The following CPVL variants were observed in gnomAD, a reference collection of about 807,000 sequenced individuals.
CPVL encodes carboxypeptidase vitellogenic like, also known as probable serine carboxypeptidase CPVL.
Under a neutral mutation model 63.7 loss-of-function variants are expected in CPVL, and 51 were observed. The observed-to-expected ratio is 0.80, with a 90% confidence interval of 0.64 to 1.01. The LOEUF (loss-of-function observed/expected upper bound fraction) is 1.01, where lower values mean the gene tolerates loss of function less well. Ranked by LOEUF, CPVL falls within the 50% of genes least tolerant of loss-of-function variation. The pLI is 0.00. For synonymous variants in CPVL, 195 were observed against 206.0 expected (o/e 0.95, Z 0.46); for missense variants, 530 against 573.1 (o/e 0.92, Z 0.77).
At chr7:29,182,045 T>G (rs2190646) in intron 4 of CPVL, among the ~76,000 whole-genome samples, 1 of 152,134 alleles carries the variant, frequency 6.6e-6, no homozygotes, top group African/African-American at 2.4e-5. Flanking sequence ...TTATAACTAT[T>G]TCTTTCAGTG....
chr7:29,055,779 TG>T (rs1237370617), intron 11 of CPVL, among the ~76,000 whole-genome samples: 1 of 152,240 alleles, frequency 6.6e-6, no homozygotes, highest in African/African-American at 2.4e-5. Flanking sequence ...TTCCCTTCTC[TG>T]CCTTTTGTTT....
intron 3 of CPVL, among the ~76,000 whole-genome samples, chr7:29,184,993 A>G (rs538129513): frequency 3.0e-4 from 46 of 152,290 alleles, no homozygotes; most frequent in Non-Finnish European, 4.7e-4. Flanking sequence ...AGATGTCTCT[A>G]AGTGCATTTG....
chr7:29,092,972 C>G (rs1320121012), intron 5 of CPVL, among the ~76,000 whole-genome samples: 1 of 152,150 alleles, frequency 6.6e-6, no homozygotes, highest in Admixed American at 6.5e-5. Context: ...TCAGTGGAGA[C>G]CCTGCCAGAT....
intron 7 of CPVL, 124 bp from the exon 8 acceptor site, chr7:29,072,547 T>C (rs184606605): frequency 5.6e-6 from 6 of 1,070,612 alleles, no homozygotes; most frequent in African/African-American, 4.8e-5. Flanking sequence ...CATCTGTTTC[T>C]TAACCCCACA....
Position 29,169,382 on chromosome 7 carries a change from A to T in CPVL, c.-11+11908T>A, listed in dbSNP as rs182315912. ...TTTAGAGTTTAACAATTCCATTTTC[A>T]TACCCCTCTAAACACACCATTTTAA... is the stretch of plus-strand genomic sequence containing the variant. On this transcript the variant is annotated intron_variant, in intron 5 of 16. Coordinates refer to the CPVL transcript ENST00000409850. 2.6e-5 allele frequency among the ~76,000 whole-genome samples: 4 copies of T among 152,286 alleles called. No individual in the cohort carries two copies. The East Asian group carries it at 7.7e-4, about 29-fold the overall frequency.
chr7:29,069,755 T>C (rs1783533794), intron 9 of CPVL, among the ~76,000 whole-genome samples: 1 of 150,506 alleles, frequency 6.6e-6, no homozygotes, highest in Non-Finnish European at 1.5e-5. Flanking sequence ...CGGCATCCTC[T>C]CCACTCACCA....
chr7:29,146,378 G>C, intron 1 of CPVL, 51 bp downstream of exon 1: 1 of 682,346 alleles, frequency 1.5e-6, no homozygotes, highest in Non-Finnish European at 2.3e-6. Context: ...ACCGAGGCGA[G>C]GACCTGTCCC....
intron 12 of CPVL, among the ~76,000 whole-genome samples, chr7:29,017,005 A>C (rs1181701559): frequency 6.6e-6 from 1 of 152,204 alleles, no homozygotes; most frequent in Non-Finnish European, 1.5e-5. Context: ...CCCAAAGAAC[A>C]GCTTTTAAAA....
At chr7:29,048,368 G>A (rs1789819919) in intron 11 of CPVL, among the ~76,000 whole-genome samples, 1 of 152,134 alleles carries the variant, frequency 6.6e-6, no homozygotes, top group Non-Finnish European at 1.5e-5. Flanking sequence ...GTGGAAAAAG[G>A]CATTTCATGC....
intron 5 of CPVL, among the ~76,000 whole-genome samples, chr7:29,157,721 C>T (rs959908575): frequency 2.6e-5 from 4 of 152,150 alleles, no homozygotes; most frequent in African/African-American, 9.7e-5. Flanking sequence ...TGAACAAGAT[C>T]TGGTGATAGA....
At chr7:29,166,399 T>A (rs965932043) in intron 5 of CPVL, among the ~76,000 whole-genome samples, 11 of 152,300 alleles carry the variant, frequency 7.2e-5, no homozygotes, top group African/African-American at 2.4e-4. Context: ...TCTTTCTGAT[T>A]TAAGTGTCTG....
chr7:29,020,251 C>G (rs1383972133), intron 12 of CPVL, among the ~76,000 whole-genome samples: 1 of 152,106 alleles, frequency 6.6e-6, no homozygotes, highest in Non-Finnish European at 1.5e-5. Context: ...TTGAGGAGAT[C>G]GTGTGTGTGC....
Position 29,095,057 on chromosome 7 carries a change from C to G in CPVL, c.462+27G>C, listed in dbSNP as rs764931989. 3.8e-6 allele frequency: 6 copies of G among 1,587,462 alleles called. No individual in the cohort carries two copies. The East Asian group carries it at 1.3e-4, about 35-fold the overall frequency. On this transcript the variant is annotated intron_variant, in intron 5 of 12. Transcript: ENST00000265394. ...AAAAGACAGGAGACGCCAGCACTGA[C>G]AGCTCACAGGGTCATCCCGGACTTA...
At chr7:29,034,975 T>C (rs1788384628) in intron 11 of CPVL, among the ~76,000 whole-genome samples, 1 of 152,132 alleles carries the variant, frequency 6.6e-6, no homozygotes, top group East Asian at 1.9e-4. Context: ...TCTCATTTTT[T>C]TTTTCATGAC....
intron 1 of CPVL, among the ~76,000 whole-genome samples, chr7:29,145,273 G>GAA (rs35929858): frequency 5.9e-5 from 9 of 151,302 alleles, no homozygotes; most frequent in East Asian, 3.9e-4. Flanking sequence ...GCAAAGAATG[G>GAA]AAAAAAAATG....
intron 12 of CPVL, among the ~76,000 whole-genome samples, chr7:29,015,128 G>A (rs547157059): frequency 1.3e-5 from 2 of 152,204 alleles, no homozygotes; most frequent in South Asian, 2.1e-4. Context: ...AGCTGTGGTC[G>A]TTACTGCTTT....
intron 3 of CPVL, among the ~76,000 whole-genome samples, chr7:29,109,481 C>T (rs956250260): frequency 2.6e-5 from 4 of 152,140 alleles, no homozygotes; most frequent in African/African-American, 9.7e-5. Flanking sequence ...CCAAATGTGT[C>T]TCAGTGACCA....
At chr7:29,007,063 T>C (rs1390205657) in intron 12 of CPVL, among the ~76,000 whole-genome samples, 1 of 152,222 alleles carries the variant, frequency 6.6e-6, no homozygotes, top group African/African-American at 2.4e-5. Flanking sequence ...GATAATACTC[T>C]AAAATACAGA....
rs1039165891 is a variant in CPVL at position 29,064,125 on chromosome 7, T to A, written c.1073A>T (p.Tyr358Phe). The A allele has an allele frequency of 6.2e-7, 1 of 1,613,336 alleles. No individual in the cohort carries two copies. The highest frequency in any genetic ancestry group is 2.2e-5 in the East Asian group (1 of 44,882). ...TFNDGTIVEK[Y>F]LREDTVQSVK... ...TGACTGTACTGTATCTTCTCGCAAG[T>A]ACTTTTCAACTATAGTTCCATCATT... Residue 358 changes from tyrosine to phenylalanine, a missense_variant, in exon 11 of 13, where the codon TAC becomes TTC. Physicochemically the swap from Tyr to Phe is conservative, Grantham distance 22. Coordinates refer to ENST00000265394, the MANE Select transcript of CPVL (RefSeq NM_031311.5).
Sources: gnomAD v4.1 joint callset for allele counts (sites outside exome capture counted in the v4.1 genomes callset) on GRCh38, gnomAD v4.1.1 for gene constraint, MANE v1.5 for transcripts, NCBI Gene and HGNC (gene_info 2026-07-23, HGNC 2026-07-21) for gene names.